ACTR3C: variants seen among roughly 807,000 people sequenced by gnomAD.
The protein encoded by ACTR3C is actin-related protein 3C.
Under a neutral mutation model 26.3 loss-of-function variants are expected in ACTR3C, and 18 were observed. The ratio of observed to expected loss-of-function variants is 0.68; its 90% CI spans 0.47 to 1.01. ACTR3C has a LOEUF of 1.01. Ranked by LOEUF, ACTR3C falls within the 50% of genes least tolerant of loss-of-function variation. ACTR3C has a pLI of 0.00. For missense variants in ACTR3C, 184 were observed against 250.7 expected, an observed-to-expected ratio of 0.73 and a Z score of 1.80; for synonymous variants, 55 against 94.5, an observed-to-expected ratio of 0.58 and a Z score of 2.42.
At chr7:150,041,114 T>C in the ACTR3C span, among the ~76,000 whole-genome samples, 2 of 150,606 alleles carry the variant, frequency 1.3e-5, no homozygotes, top group East Asian at 3.9e-4. Flanking sequence ...TCAGATCGGG[T>C]AGCCCCAGGG....
At chr7:149,959,321 G>T in the ACTR3C span, among the ~76,000 whole-genome samples, 1 of 149,828 alleles carries the variant, frequency 6.7e-6, no homozygotes, top group African/African-American at 2.4e-5. Flanking sequence ...CCTGACACCA[G>T]CCTGCTCTGC....
chr7:150,095,678 C>G, the ACTR3C span, among the ~76,000 whole-genome samples: 18 of 147,818 alleles, frequency 1.2e-4, no homozygotes, highest in Non-Finnish European at 2.2e-4. Context: ...CAGGAATGCA[C>G]AGAAAAAGAC....
At chr7:150,240,515 G>A (rs547167606), downstream of ACTR3C, among the ~76,000 whole-genome samples, 21 of 152,106 alleles carry the variant, frequency 1.4e-4, no homozygotes, top group African/African-American at 4.8e-4. Flanking sequence ...AAACCACCAC[G>A]GCACATGTAT....
At chr7:150,316,483 ATTTTT>A (rs35767189) in intron 1 of ACTR3C, among the ~76,000 whole-genome samples, 4,899 of 80,704 alleles carry the variant, frequency 0.061, 167 homozygotes, top group East Asian at 0.17. Context: ...GAATCTGGTT[ATTTTT>A]TTTTTTTTTT....
the ACTR3C span, among the ~76,000 whole-genome samples, chr7:150,184,669 C>A: frequency 6.5e-4 from 98 of 150,528 alleles, 1 homozygote; most frequent in Non-Finnish European, 1.2e-3. Context: ...CTTGAAAAGC[C>A]AGCACTGAAT....
the ACTR3C span, among the ~76,000 whole-genome samples, chr7:150,072,097 G>A: frequency 1.4e-5 from 2 of 143,276 alleles, no homozygotes; most frequent in Non-Finnish European, 1.6e-5. Context: ...CTGCGTGTCA[G>A]CCCCACCGAG....
At chr7:150,034,951 G>T in the ACTR3C span, among the ~76,000 whole-genome samples, 1 of 144,750 alleles carries the variant, frequency 6.9e-6, no homozygotes, top group African/African-American at 2.6e-5. Flanking sequence ...CGGAAGAGGG[G>T]ATAACTCTCA....
intron 6 of ACTR3C, among the ~76,000 whole-genome samples, chr7:150,280,366 C>T (rs564234781): frequency 2.0e-5 from 3 of 151,962 alleles, no homozygotes; most frequent in Non-Finnish European, 4.4e-5. Context: ...AAATACCCTT[C>T]TCATCTACAC....
chr7:150,312,095 C>T (rs572115009), intron 1 of ACTR3C, among the ~76,000 whole-genome samples: 29 of 152,222 alleles, frequency 1.9e-4, no homozygotes, highest in South Asian at 1.7e-3. Flanking sequence ...AAAATGCCTA[C>T]GCCAACAAAA....
chr7:149,968,461 A>G, the ACTR3C span, among the ~76,000 whole-genome samples: 1 of 152,300 alleles, frequency 6.6e-6, no homozygotes, highest in African/African-American at 2.4e-5. Flanking sequence ...TGAACCCAGG[A>G]GGCGGAGTTT....
chr7:149,967,363 G>T, the ACTR3C span, among the ~76,000 whole-genome samples: 2 of 152,004 alleles, frequency 1.3e-5, no homozygotes, highest in African/African-American at 4.8e-5. Flanking sequence ...GTAGAGACAG[G>T]GTTTCACCAT....
chr7:150,197,235 G>T, the ACTR3C span, among the ~76,000 whole-genome samples: 1 of 152,120 alleles, frequency 6.6e-6, no homozygotes, highest in Non-Finnish European at 1.5e-5. Context: ...CAAAGAAAAA[G>T]TCTTCAAGAG....
the ACTR3C span, among the ~76,000 whole-genome samples, chr7:149,972,420 C>T: frequency 1.3e-5 from 2 of 152,226 alleles, no homozygotes; most frequent in Admixed American, 1.3e-4. Flanking sequence ...TCCCTGTCCA[C>T]GTTCCCATCT....
chr7:150,097,784 G>A, the ACTR3C span, among the ~76,000 whole-genome samples: 1 of 151,568 alleles, frequency 6.6e-6, no homozygotes, highest in East Asian at 1.9e-4. Context: ...CACAGGCAGA[G>A]GCAGGGTGTT....
At chr7:150,034,834 G>A in the ACTR3C span, among the ~76,000 whole-genome samples, 3 of 147,612 alleles carry the variant, frequency 2.0e-5, no homozygotes, top group Non-Finnish European at 3.0e-5. Context: ...TCCCCCCTCT[G>A]CGATGGGTGT....
the ACTR3C span, among the ~76,000 whole-genome samples, chr7:150,150,078 C>A: frequency 1.5e-4 from 22 of 151,512 alleles, no homozygotes; most frequent in Admixed American, 4.6e-4. Flanking sequence ...CTGCTATATA[C>A]ACCCCTAAAT....
chr7:150,124,612 G>A, the ACTR3C span, among the ~76,000 whole-genome samples: 1 of 152,042 alleles, frequency 6.6e-6, no homozygotes, highest in African/African-American at 2.4e-5. Flanking sequence ...GGGGATCCTG[G>A]CTTCTTTTTC....
chr7:150,023,340 T>TAG, the ACTR3C span, among the ~76,000 whole-genome samples: 2 of 93,486 alleles, frequency 2.1e-5, no homozygotes, highest in African/African-American at 4.0e-5. Context: ...CATACATACA[T>TAG]ATATATTTTA....
chr7:150,316,842 T>TA (rs1401399934), intron 1 of ACTR3C, among the ~76,000 whole-genome samples: 2 of 152,170 alleles, frequency 1.3e-5, no homozygotes, highest in Admixed American at 1.3e-4. Flanking sequence ...GTTAAACTGG[T>TA]AGCCTATTTT....
Sources: gnomAD v4.1 joint callset for allele counts (sites outside exome capture counted in the v4.1 genomes callset) on GRCh38, gnomAD v4.1.1 for gene constraint, MANE v1.5 for transcripts, NCBI Gene and HGNC (gene_info 2026-07-23, HGNC 2026-07-21) for gene names.